Variants in USH2A observed in about 807,000 individuals in gnomAD.
The protein encoded by USH2A is Usher syndrome 2A (autosomal recessive, mild).
USH2A carries 443 observed loss-of-function variants against 538.9 expected under a neutral mutation model. The ratio of observed to expected loss-of-function variants is 0.82; its 90% CI spans 0.76 to 0.89. The LOEUF is 0.89. Among genes scored for constraint, USH2A ranks in the 40% least tolerant of loss-of-function variants. The pLI is 0.00. For synonymous variants in USH2A, 2,413 were observed against 2,273.5 expected (o/e 1.06, Z -1.75); for missense variants, 6,633 against 6,324.8 (o/e 1.05, Z -1.65).
In USH2A at chr1:216,204,367, C is replaced by T. The variant is rs1377944397; in HGVS notation, c.3316+2906G>A. On this transcript the variant is annotated intron_variant, in intron 16 of 71. Coordinates refer to ENST00000307340, the MANE Select transcript of USH2A (RefSeq NM_206933.4). ...ACCTTAAATAAAACGTAAAGATATACCTTGTTTTTTAAAGTTAATTATTCA... is the reference window on the plus strand; with the variant it reads ...ACCTTAAATAAAACGTAAAGATATATCTTGTTTTTTAAAGTTAATTATTCA... The T allele has an allele frequency of 3.9e-5, 6 of 152,006 alleles. No homozygotes were observed. The East Asian group carries it at 1.2e-3, about 29-fold the overall frequency. 9.4% of individuals were successfully genotyped at this position (152,006 alleles called of 1,614,324 possible). A position where few individuals can be genotyped will look rare whatever the true frequency, so the allele number is the denominator to read the frequency against.
At chr1:215,862,842 C>T (rs1052559605) in intron 44 of USH2A, among the ~76,000 whole-genome samples, 13 of 152,112 alleles carry the variant, frequency 8.5e-5, no homozygotes, top group Non-Finnish European at 1.8e-4. Flanking sequence ...GGTCGTAGTG[C>T]CAAAACATAT....
chr1:216,144,364 T>C (rs543786721), intron 21 of USH2A, among the ~76,000 whole-genome samples: 1 of 152,104 alleles, frequency 6.6e-6, no homozygotes, highest in South Asian at 2.1e-4. Context: ...TTTTAATACT[T>C]GGAAAATGTC....
intron 49 of USH2A, among the ~76,000 whole-genome samples, chr1:215,805,600 A>T (rs1362673827): frequency 2.0e-5 from 3 of 152,046 alleles, no homozygotes; most frequent in Non-Finnish European, 4.4e-5. Flanking sequence ...TGTGGTGTAT[A>T]CTTTACCACA....
intron 14 of USH2A, among the ~76,000 whole-genome samples, chr1:216,227,995 G>T (rs1344898469): frequency 3.9e-5 from 6 of 152,096 alleles, no homozygotes. Context: ...AAAAGGTTTT[G>T]CCTCAGGCTA....
chr1:215,914,999 T>C (rs1338669990), intron 38 of USH2A, among the ~76,000 whole-genome samples: 1 of 152,130 alleles, frequency 6.6e-6, no homozygotes, highest in Admixed American at 6.6e-5. Flanking sequence ...CACACTACAA[T>C]GTCAGAGTTA....
intron 40 of USH2A, among the ~76,000 whole-genome samples, chr1:215,894,003 C>A (rs1665266051): frequency 6.6e-6 from 1 of 152,118 alleles, no homozygotes; most frequent in Non-Finnish European, 1.5e-5. Context: ...ACATGCAGAA[C>A]CATTTTGCTC....
chr1:216,236,588 C>T (rs1482470465), intron 13 of USH2A, among the ~76,000 whole-genome samples: 1 of 152,022 alleles, frequency 6.6e-6, no homozygotes, highest in African/African-American at 2.4e-5. Context: ...CTTCTATCCT[C>T]TAAAATATGA....
At chr1:216,261,470 GA>G (rs975847865) in intron 11 of USH2A, among the ~76,000 whole-genome samples, 45 of 146,520 alleles carry the variant, frequency 3.1e-4, no homozygotes, top group African/African-American at 1.1e-3. Context: ...AAAAAGGCTG[GA>G]AAAAAATCTC....
In USH2A at chr1:215,962,793, T is replaced by G. The variant is rs939735463; in HGVS notation, c.7120+2524A>C. ...TTTTTTCTATCTTTTAAATTTTGAT[T>G]CATGAGAACATAATACGTGGTCAAA... On this transcript the variant is annotated intron_variant, in intron 37 of 71. Coordinates refer to ENST00000307340, the MANE Select transcript of USH2A (RefSeq NM_206933.4). 2.0e-5 allele frequency among the ~76,000 whole-genome samples: 3 copies of G among 152,152 alleles called. No homozygotes were observed. The East Asian group carries it at 5.8e-4, about 29-fold the overall frequency.
chr1:216,015,578 T>A (rs1329069337), intron 32 of USH2A, among the ~76,000 whole-genome samples: 2 of 152,214 alleles, frequency 1.3e-5, no homozygotes, highest in African/African-American at 4.8e-5. Context: ...TGAAATCACT[T>A]TGAGGAATCG....
At chr1:216,305,764 T>C (rs531151744) in intron 9 of USH2A, among the ~76,000 whole-genome samples, 9 of 152,176 alleles carry the variant, frequency 5.9e-5, no homozygotes, top group Non-Finnish European at 1.2e-4. Context: ...TTCCTTCATT[T>C]AGGAAGCTTA....
At chr1:216,210,862 T>C (rs1334434722) in intron 15 of USH2A, among the ~76,000 whole-genome samples, 1 of 152,090 alleles carries the variant, frequency 6.6e-6, no homozygotes. Flanking sequence ...ACACCTGTAA[T>C]CCCAGCTACT....
At position 216,118,905 on chromosome 1, in the gene USH2A, C is replaced by A. The variant is rs549430586; in HGVS notation, c.4628-21692G>T. 3.9e-5 allele frequency among the ~76,000 whole-genome samples: 6 copies of A among 152,316 alleles called. No individual in the cohort carries two copies. The East Asian group carries it at 1.2e-3, about 29-fold the overall frequency. Reference sequence around the variant, plus strand: ...TCTTAAACTCTTGGCTGTGCCCAAACAGAGACTAAACAAAAATGTCTCATT... The same window carrying A: ...TCTTAAACTCTTGGCTGTGCCCAAAAAGAGACTAAACAAAAATGTCTCATT... On this transcript the variant is annotated intron_variant, in intron 21 of 71. Coordinates refer to ENST00000307340, the MANE Select transcript of USH2A (RefSeq NM_206933.4).
At chr1:216,211,802 T>TTG (rs2035247024) in intron 15 of USH2A, among the ~76,000 whole-genome samples, 1 of 152,102 alleles carries the variant, frequency 6.6e-6, no homozygotes, top group African/African-American at 2.4e-5. Flanking sequence ...TTTGATATGG[T>TTG]CACTTTGATC....
chr1:216,200,073 G>A lies in USH2A; in HGVS notation c.3365C>T (p.Ser1122Phe), dbSNP rs2034949661. 19 of 1,612,838 alleles carry A rather than the reference G, an allele frequency of 1.2e-5. No individual in the cohort carries two copies. The highest frequency in any genetic ancestry group is 1.6e-5 in the Non-Finnish European group (19 of 1,179,726). The change falls in exon 17 of 72, where the codon TCC becomes TTC. Residue 1122 changes from serine (S) to phenylalanine (F), a missense_variant. Transcript: ENST00000307340. The part of the protein sequence containing the change: ...DTDLLPYTKY[S>F]YYIETTNVHG... ...CACATTGGTGGTCTCAATGTAATAG[G>A]AATATTTGGTATATGGTAACAGGTC...
chr1:215,731,628 T>A (rs1659997566), intron 60 of USH2A, among the ~76,000 whole-genome samples: 1 of 152,148 alleles, frequency 6.6e-6, no homozygotes, highest in African/African-American at 2.4e-5. Flanking sequence ...GTATAAAAAC[T>A]AGGAACCATA....
intron 11 of USH2A, among the ~76,000 whole-genome samples, chr1:216,261,422 C>T (rs1313134307): frequency 7.0e-6 from 1 of 143,408 alleles, no homozygotes; most frequent in African/African-American, 2.6e-5. Flanking sequence ...TGAGTCCAGC[C>T]TAGACAATAT....
At chr1:215,731,973 G>T (rs2102716925) in intron 60 of USH2A, among the ~76,000 whole-genome samples, 1 of 152,306 alleles carries the variant, frequency 6.6e-6, no homozygotes, top group South Asian at 2.1e-4. Flanking sequence ...ATTTTGTAAA[G>T]TGGAGTTAAT....
At chr1:215,683,752 C>T (rs1391832436) in intron 61 of USH2A, among the ~76,000 whole-genome samples, 1 of 152,034 alleles carries the variant, frequency 6.6e-6, no homozygotes, top group African/African-American at 2.4e-5. Context: ...TCTTCTCTCA[C>T]TCCTTTTCCT....
Sources: allele counts gnomAD v4.1 joint callset (sites outside exome capture counted in the v4.1 genomes callset), GRCh38; gene constraint gnomAD v4.1.1; transcripts MANE v1.5; gene names NCBI Gene and HGNC (gene_info 2026-07-23, HGNC 2026-07-21).